Variants in HS1BP3 observed in about 807,000 individuals in gnomAD.
HS1BP3 encodes HCLS1 binding protein 3.
In HS1BP3, 32 loss-of-function variants were observed where a neutral mutation model predicts 33.5. That is an observed-to-expected ratio of 0.95 (90% CI 0.72 to 1.28). HS1BP3 has a LOEUF of 1.28. Ranked by LOEUF, HS1BP3 falls within the 50% of genes most tolerant of loss-of-function variation. The pLI is 0.00. For missense variants in HS1BP3, 486 were observed against 502.3 expected, an observed-to-expected ratio of 0.97 and a Z score of 0.31; for synonymous variants, 187 against 209.2, an observed-to-expected ratio of 0.89 and a Z score of 0.92.
chr2:20,619,716 C>A (rs1694536768), intron 6 of HS1BP3, among the ~76,000 whole-genome samples: 1 of 152,220 alleles, frequency 6.6e-6, no homozygotes, highest in African/African-American at 2.4e-5. Flanking sequence ...ACGCTGGAGT[C>A]CCAGGAGGCC....
At chr2:20,605,717 T>C (rs879775495) in intron 2 of HS1BP3, among the ~76,000 whole-genome samples, 1 of 152,230 alleles carries the variant, frequency 6.6e-6, no homozygotes, top group Admixed American at 6.5e-5. Context: ...TTCACTCAGC[T>C]GAATGTTTTC....
intron 5 of HS1BP3, among the ~76,000 whole-genome samples, chr2:20,584,353 G>T (rs1693630097): frequency 6.6e-6 from 1 of 152,208 alleles, no homozygotes; most frequent in Non-Finnish European, 1.5e-5. Flanking sequence ...GGGAAGGACT[G>T]GGGTGTGCCG....
At chr2:20,563,059 G>T (rs950980801) in intron 5 of HS1BP3, among the ~76,000 whole-genome samples, 1 of 152,154 alleles carries the variant, frequency 6.6e-6, no homozygotes, top group Non-Finnish European at 1.5e-5. Flanking sequence ...AGGAGGCTCC[G>T]ACCTTCCTAA....
rs1465791040 is a variant in HS1BP3 at position 20,651,047 on chromosome 2, AC to A, written c.16del (p.Val6CysfsTer17). ...TCTGGCTCACCTGGAGGTGACGAGC[AC>A]CGCCGGGGACTGCATGACGGCGGCG... MQSPAVLVTSRRLQNA... is the reference protein window; with the variant it reads MQSPAXLVTSRRLQNA... On this transcript the variant is annotated frameshift_variant, in exon 1 of 7. Coordinates refer to ENST00000304031, the MANE Select transcript of HS1BP3 (RefSeq NM_022460.4). LOFTEE classifies it high-confidence loss of function. 3 of 1,239,470 alleles carry A rather than the reference AC, an allele frequency of 2.4e-6. No individual in the cohort carries two copies. The highest frequency in any genetic ancestry group is 3.1e-5 in the African/African-American group (2 of 65,096). The allele number at this position is 1,239,470 out of a possible 1,614,324, so 76.8% of individuals were successfully genotyped here.
chr2:20,621,708 G>A (rs72782390), intron 6 of HS1BP3, among the ~76,000 whole-genome samples: 8,942 of 152,356 alleles, frequency 0.059, 271 homozygotes, highest in Middle Eastern at 0.095. Context: ...CAGATTTCAG[G>A]ATTAGCCTGC....
chr2:20,571,553 C>T (rs538402561), intron 5 of HS1BP3, among the ~76,000 whole-genome samples: 1 of 152,340 alleles, frequency 6.6e-6, no homozygotes, highest in Non-Finnish European at 1.5e-5. Flanking sequence ...CTGGCGCCAT[C>T]GGTTGGAAAA....
At chr2:20,635,703 G>C (rs953570911) in intron 4 of HS1BP3, 5 of 152,180 alleles carry the variant, frequency 3.3e-5, no homozygotes, top group African/African-American at 1.2e-4. Context: ...AGCAGAGTAC[G>C]AAAAGGCACG....
downstream of HS1BP3, among the ~76,000 whole-genome samples, chr2:20,588,244 T>A (rs1184627212): frequency 6.6e-6 from 1 of 152,220 alleles, no homozygotes; most frequent in Non-Finnish European, 1.5e-5. Flanking sequence ...ATTACTTCTA[T>A]AATTGGAACA....
chr2:20,606,618 C>T, intron 2 of HS1BP3: 1 of 482,154 alleles, frequency 2.1e-6, no homozygotes, highest in Non-Finnish European at 4.2e-6. Context: ...GCCAACTTTC[C>T]AGCGTCTTTC....
intron 2 of HS1BP3, among the ~76,000 whole-genome samples, chr2:20,610,545 G>A (rs1694298921): frequency 6.6e-6 from 1 of 152,060 alleles, no homozygotes; most frequent in Non-Finnish European, 1.5e-5. Flanking sequence ...TGGCTCGATA[G>A]CACATTTCTT....
chr2:20,565,395 C>T (rs1433427457), intron 5 of HS1BP3, among the ~76,000 whole-genome samples: 2 of 152,236 alleles, frequency 1.3e-5, no homozygotes, highest in African/African-American at 4.8e-5. Flanking sequence ...ACTTCCCACA[C>T]AGCCTAGGGA....
intron 5 of HS1BP3, among the ~76,000 whole-genome samples, chr2:20,560,683 T>C (rs1692970364): frequency 6.6e-6 from 1 of 152,146 alleles, no homozygotes; most frequent in South Asian, 2.1e-4. Flanking sequence ...GAGAAGGGAC[T>C]CACCCAAGGT....
intron 2 of HS1BP3, among the ~76,000 whole-genome samples, chr2:20,644,915 C>G: frequency 6.6e-6 from 1 of 152,202 alleles, no homozygotes; most frequent in East Asian, 1.9e-4. Flanking sequence ...GTGCAGAGTT[C>G]CCACTCAATG....
chr2:20,617,613 C>T (rs551028250), downstream of HS1BP3, among the ~76,000 whole-genome samples: 7 of 149,142 alleles, frequency 4.7e-5, no homozygotes, highest in African/African-American at 7.3e-5. Context: ...CACCATCAGC[C>T]GGGGGCTCCC....
intron 5 of HS1BP3, among the ~76,000 whole-genome samples, chr2:20,572,657 G>A (rs746271665): frequency 5.3e-5 from 8 of 152,116 alleles, no homozygotes; most frequent in Non-Finnish European, 7.4e-5. Context: ...AAAGTACCTC[G>A]AACATGGAAG....
chr2:20,592,328 C>CCCCCG (rs1319031295), downstream of HS1BP3: 4 of 155,106 alleles, frequency 2.6e-5, no homozygotes, highest in East Asian at 2.1e-4. Context: ...CCATCCACCT[C>CCCCCG]CCCCGCCCCG....
At chr2:20,554,676 C>A in the HS1BP3 span, among the ~76,000 whole-genome samples, 2 of 149,660 alleles carry the variant, frequency 1.3e-5, no homozygotes, top group South Asian at 4.2e-4. Flanking sequence ...TGCACTCAAG[C>A]CTGAACAACA....
chr2:20,605,664 TA>T (rs1203334120), intron 2 of HS1BP3, among the ~76,000 whole-genome samples: 2 of 152,208 alleles, frequency 1.3e-5, no homozygotes, highest in African/African-American at 2.4e-5. Flanking sequence ...GTATTTCATA[TA>T]AATGGTATCC....
At chr2:20,633,161 C>G (rs1321150779) in intron 4 of HS1BP3, among the ~76,000 whole-genome samples, 1 of 152,180 alleles carries the variant, frequency 6.6e-6, no homozygotes, top group Non-Finnish European at 1.5e-5. Flanking sequence ...GGGATTTGAA[C>G]CTGGGACTGC....
Sources: gnomAD v4.1 joint callset for allele counts (sites outside exome capture counted in the v4.1 genomes callset) on GRCh38, gnomAD v4.1.1 for gene constraint, MANE v1.5 for transcripts, NCBI Gene and HGNC (gene_info 2026-07-23, HGNC 2026-07-21) for gene names.